ARRB1: variants seen among roughly 807,000 people sequenced by gnomAD.
The protein encoded by ARRB1 is beta-arrestin-1.
In ARRB1, 21 loss-of-function variants were observed where a neutral mutation model predicts 56.8. That is an observed-to-expected ratio of 0.37 (90% confidence interval 0.26 to 0.53). The LOEUF is 0.53. Ranked by LOEUF, ARRB1 falls within the 20% of genes least tolerant of loss-of-function variation. The pLI, the probability that ARRB1 is intolerant of heterozygous loss-of-function variation, is 0.88. For synonymous variants in ARRB1, 210 were observed against 218.6 expected (o/e 0.96, Z 0.35); for missense variants, 424 against 553.7 (o/e 0.77, Z 2.35).
At chr11:75,317,015 G>A (rs1364661669) in intron 1 of ARRB1, among the ~76,000 whole-genome samples, 3 of 152,168 alleles carry the variant, frequency 2.0e-5, no homozygotes, top group East Asian at 1.9e-4. Context: ...GCAGTCAGCC[G>A]AGATCGAGCT....
intron 12 of ARRB1, among the ~76,000 whole-genome samples, chr11:75,271,999 C>A (rs1365168074): frequency 6.6e-6 from 1 of 152,286 alleles, no homozygotes; most frequent in East Asian, 1.9e-4. Flanking sequence ...AAAATTAACC[C>A]CAGTGCTGCC....
intron 1 of ARRB1, among the ~76,000 whole-genome samples, chr11:75,304,446 T>C (rs1946974856): frequency 1.3e-5 from 2 of 152,014 alleles, no homozygotes; most frequent in South Asian, 4.1e-4. Flanking sequence ...GGAAAAAAAC[T>C]GCCTTATATT....
At chr11:75,274,301 C>T in intron 10 of ARRB1, 90 bp from the exon 11 acceptor site, 1 of 1,541,618 alleles carries the variant, frequency 6.5e-7, no homozygotes. Context: ...CTAGTCTGAG[C>T]CTGCTCCAAG....
At chr11:75,349,855 C>T (rs1315045671) in intron 1 of ARRB1, among the ~76,000 whole-genome samples, 1 of 152,252 alleles carries the variant, frequency 6.6e-6, no homozygotes, top group East Asian at 1.9e-4. Flanking sequence ...GCCTGGGCCT[C>T]CAGCACAGAG....
At chr11:75,306,495 TA>T in intron 1 of ARRB1, 1 of 869,556 alleles carries the variant, frequency 1.2e-6, no homozygotes, top group Non-Finnish European at 1.7e-6. Context: ...AGAAATCATG[TA>T]AATCCCAGAA....
intron 1 of ARRB1, among the ~76,000 whole-genome samples, chr11:75,333,858 C>G (rs1947558764): frequency 6.6e-6 from 1 of 152,192 alleles, no homozygotes; most frequent in Non-Finnish European, 1.5e-5. Flanking sequence ...AACTCCGCTT[C>G]CCTGACTCTG....
chr11:75,287,708 A>T (rs1946513755), intron 2 of ARRB1, among the ~76,000 whole-genome samples: 1 of 152,184 alleles, frequency 6.6e-6, no homozygotes, highest in African/African-American at 2.4e-5. Flanking sequence ...GGTGAGTGGG[A>T]GTGTGGGCAT....
intron 5 of ARRB1, among the ~76,000 whole-genome samples, chr11:75,283,061 G>A (rs529828419): frequency 6.6e-6 from 1 of 152,338 alleles, no homozygotes; most frequent in East Asian, 1.9e-4. Context: ...CCTGGCCTCA[G>A]AAGGGTCTGA....
intron 14 of ARRB1, 76 bp downstream of exon 14, chr11:75,268,812 CG>C (rs1322353400): frequency 9.9e-6 from 15 of 1,517,764 alleles, no homozygotes; most frequent in Non-Finnish European, 1.1e-5. Context: ...AGGGCGAACC[CG>C]GGGCGGGGTG....
intron 1 of ARRB1, among the ~76,000 whole-genome samples, chr11:75,312,357 G>C (rs529299064): frequency 6.6e-6 from 1 of 152,330 alleles, no homozygotes; most frequent in East Asian, 1.9e-4. Context: ...TGTACTGCAC[G>C]CTGGAAGGAC....
At chr11:75,273,943 G>A (rs548118018) in intron 11 of ARRB1, 131 bp downstream of exon 11, 31 of 1,410,910 alleles carry the variant, frequency 2.2e-5, no homozygotes, top group Non-Finnish European at 2.9e-5. Context: ...TCAAGCACCT[G>A]AGGACAGGCC....
At position 75,280,306 on chromosome 11, in the gene ARRB1, G is replaced by A. The variant is rs112564164; in HGVS notation, c.482+769C>T. ...ACACACAGCTGCCAGGGCTGCAGATGCAAATGCATGCAATACACCCTATAG... is the reference window on the plus strand; with the variant it reads ...ACACACAGCTGCCAGGGCTGCAGATACAAATGCATGCAATACACCCTATAG... On this transcript the variant is annotated intron_variant, in intron 7 of 15. Transcript: ENST00000420843. 1.5e-3 allele frequency among the ~76,000 whole-genome samples: 226 copies of A among 152,304 alleles called. 1 individual carries two copies. The highest frequency in any genetic ancestry group is 5.1e-3 in the African/African-American group (214 of 41,554).
intron 1 of ARRB1, among the ~76,000 whole-genome samples, chr11:75,350,961 T>A (rs1947839574): frequency 6.6e-6 from 1 of 152,148 alleles, no homozygotes; most frequent in Non-Finnish European, 1.5e-5. Context: ...GGTGTGGCCT[T>A]GCGCTCCGCT....
Position 75,277,422 on chromosome 11 carries a change from G to C in ARRB1, c.645C>G (p.Ser215Arg). ...KEIYYHGEPI[S>R]VNVHVTNNTN... ...TGTTGTTGGTGACGTGGACGTTGACGCTGATGGGTTCTCCATGGTAATAGA... is the reference window on the plus strand; with the variant it reads ...TGTTGTTGGTGACGTGGACGTTGACCCTGATGGGTTCTCCATGGTAATAGA... Residue 215 changes from serine to arginine, a missense_variant, in exon 9 of 16, where the codon AGC (serine) becomes AGG (arginine). Ser to Arg is a moderately radical substitution (Grantham distance 110). Coordinates refer to ENST00000420843, the MANE Select transcript of ARRB1 (RefSeq NM_004041.5). The C allele has an allele frequency of 6.2e-7, 1 of 1,614,168 alleles. No individual in the cohort carries two copies. Among genetic ancestry groups the C allele is most frequent in the Non-Finnish European group, 8.5e-7 (1 of 1,180,008 alleles).
chr11:75,287,352 C>T lies in ARRB1; in HGVS notation c.75G>A (p.Arg25=). Reference sequence around the variant, plus strand: ...CGAGGTCGATGTGGTCCACAAAGTCCCGCTTTCCCAGGTAGACGGTGAGCT... The same window carrying T: ...CGAGGTCGATGTGGTCCACAAAGTCTCGCTTTCCCAGGTAGACGGTGAGCT... ...NGKLTVYLGK[R]DFVDHIDLVD... is the part of the protein sequence containing the mutation. Residue 25 remains arginine, a synonymous_variant, in exon 3 of 16, where the codon CGG becomes CGA. Transcript: ENST00000420843. 6.4e-7 allele frequency: 1 copy of T among 1,561,094 alleles called. No individual in the cohort carries two copies. Among genetic ancestry groups the T allele is most frequent in the South Asian group, 1.2e-5 (1 of 84,658 alleles).
intron 1 of ARRB1, among the ~76,000 whole-genome samples, chr11:75,327,301 CAAAAAAAAA>C (rs777940901): frequency 6.6e-5 from 4 of 60,266 alleles, no homozygotes; most frequent in Admixed American, 2.2e-4. Flanking sequence ...AACTCCATCT[CAAAAAAAAA>C]AAAAAAAAAA....
intron 13 of ARRB1, among the ~76,000 whole-genome samples, chr11:75,270,459 C>G (rs1946052102): frequency 6.6e-6 from 1 of 152,162 alleles, no homozygotes; most frequent in Non-Finnish European, 1.5e-5. Context: ...GAAATCCTGC[C>G]TCTACTAAAA....
intron 1 of ARRB1, among the ~76,000 whole-genome samples, chr11:75,290,892 AC>A (rs1302076280): frequency 1.3e-5 from 2 of 152,302 alleles, no homozygotes; most frequent in African/African-American, 4.8e-5. Flanking sequence ...GGCGTGAGCC[AC>A]CACGCCCAAC....
intron 7 of ARRB1, 63 bp downstream of exon 7, chr11:75,281,012 C>A: frequency 6.5e-7 from 1 of 1,535,028 alleles, no homozygotes; most frequent in Non-Finnish European, 8.9e-7. Flanking sequence ...TCCTCTTGGA[C>A]TTTGCCCATC....
Sources: gnomAD v4.1 joint callset for allele counts (sites outside exome capture counted in the v4.1 genomes callset) on GRCh38, gnomAD v4.1.1 for gene constraint, MANE v1.5 for transcripts, NCBI Gene and HGNC (gene_info 2026-07-23, HGNC 2026-07-21) for gene names.